FXN: variants seen among roughly 807,000 people sequenced by gnomAD.
FXN encodes the protein frataxin, also known as frataxin, mitochondrial.
FXN carries 14 observed loss-of-function variants against 22.4 expected under a neutral mutation model. That is an observed-to-expected ratio of 0.62 (90% CI 0.41 to 0.98). The LOEUF is 0.98. FXN is among the 50% of genes least tolerant of loss of function. The pLI, the probability that FXN is intolerant of heterozygous loss-of-function variation, is 0.00. For synonymous variants in FXN, 120 were observed against 114.1 expected (o/e 1.05, Z -0.33); for missense variants, 267 against 268.4 (o/e 0.99, Z 0.04).
At chr9:69,056,259 AT>A (rs1831956711) in intron 3 of FXN, among the ~76,000 whole-genome samples, 1 of 152,238 alleles carries the variant, frequency 6.6e-6, no homozygotes. Context: ...GCCTCTGGCC[AT>A]AACTGAAAAA....
intron 4 of FXN, among the ~76,000 whole-genome samples, chr9:69,069,374 G>C (rs1832231400): frequency 1.3e-5 from 2 of 152,090 alleles, no homozygotes; most frequent in African/African-American, 4.8e-5. Flanking sequence ...AAAAAAGGAG[G>C]AGAAGAAGGA....
rs1832403784 is a variant in FXN at position 69,078,105 on chromosome 9, T to C, written c.*5343T>C. 1.0e-6 allele frequency: 1 copy of C among 985,346 alleles called. No homozygotes were observed. Among genetic ancestry groups the C allele is most frequent in the African/African-American group, 1.7e-5 (1 of 57,240 alleles). 61.0% of individuals were successfully genotyped at this position (985,346 alleles called of 1,614,324 possible). ...AAAACCCTAAGAGAAAGAAAAACTT[T>C]AAATCCCTCCAAAGCTCAAAAGTAA... On this transcript the variant is annotated 3_prime_UTR_variant, in exon 5 of 5. Coordinates refer to ENST00000484259, the MANE Select transcript of FXN (RefSeq NM_000144.5).
chr9:69,061,974 GTA>G (rs1176109863), intron 3 of FXN, among the ~76,000 whole-genome samples: 2 of 152,212 alleles, frequency 1.3e-5, no homozygotes, highest in South Asian at 2.1e-4. Flanking sequence ...ATAAAACTCT[GTA>G]TGAGAGGAGT....
chr9:69,055,547 G>A (rs1831943822), intron 3 of FXN, among the ~76,000 whole-genome samples: 1 of 149,340 alleles, frequency 6.7e-6, no homozygotes, highest in South Asian at 2.1e-4. Context: ...AGGCTGGAGT[G>A]CAGTTGTGTG....
chr9:69,037,284 A>AAAAAAAAAAAAAAAAAAAAAAAGAAGAAG (rs544093183), intron 1 of FXN, among the ~76,000 whole-genome samples: 1 of 78,060 alleles, frequency 1.3e-5, no homozygotes, highest in Non-Finnish European at 2.5e-5. Context: ...AAAAAAAAAA[A>AAAAAAAAAAAAAAAAAAAAAAAGAAGAAG]AAGAAGAAGA....
chr9:69,066,484 A>AT (rs1235177738), intron 4 of FXN, among the ~76,000 whole-genome samples: 4 of 152,116 alleles, frequency 2.6e-5, no homozygotes, highest in African/African-American at 9.7e-5. Context: ...TAATTCACAG[A>AT]TTGTATTGGT....
At position 69,078,114 on chromosome 9, in the gene FXN, C is replaced by G; in HGVS notation, c.*5352C>G. The G allele has an allele frequency of 1.0e-6, 1 of 985,398 alleles. No homozygotes were observed. The highest frequency in any genetic ancestry group is 4.7e-5 in the South Asian group (1 of 21,286). The allele number at this position is 985,398 out of a possible 1,614,324, so 61.0% of individuals were successfully genotyped here. A position where few individuals can be genotyped will look rare whatever the true frequency, so the allele number is the denominator to read the frequency against. On this transcript the variant is annotated 3_prime_UTR_variant, in exon 5 of 5. Transcript: ENST00000484259. The stretch of plus-strand genomic sequence containing the variant: ...AGAGAAAGAAAAACTTTAAATCCCT[C>G]CAAAGCTCAAAAGTAATAGAAACAG...
chr9:69,060,460 A>G (rs902358550), intron 3 of FXN, among the ~76,000 whole-genome samples: 4 of 152,042 alleles, frequency 2.6e-5, no homozygotes, highest in African/African-American at 4.8e-5. Context: ...TATTTTGACT[A>G]TTCCCCCTGC....
intron 1 of FXN, among the ~76,000 whole-genome samples, chr9:69,041,747 G>T (rs1564329214): frequency 6.6e-6 from 1 of 152,156 alleles, no homozygotes; most frequent in Non-Finnish European, 1.5e-5. Context: ...TGGGTCAAGT[G>T]GTTCCTGACC....
chr9:69,071,422 G>T (rs556870034), intron 4 of FXN, among the ~76,000 whole-genome samples: 1 of 152,316 alleles, frequency 6.6e-6, no homozygotes, highest in African/African-American at 2.4e-5. Flanking sequence ...TGCTCAGGCA[G>T]ACTCAGGTGC....
At position 69,072,755 on chromosome 9, in the gene FXN, A is replaced by G. The variant is rs74621026; in HGVS notation, c.626A>G (p.Asp209Gly). The stretch of plus-strand genomic sequence containing the variant: ...TCTTCCTTGGCCTATTCCGGAAAAG[A>G]TGCTTGATGCCCAGCCCCGTTTTAA... The part of the protein sequence containing the change: ...DLSSLAYSGK[D>G]A Residue 209 changes from aspartate (D) to glycine (G), a missense_variant, in exon 5 of 5, where the codon GAT becomes GGT. Asp to Gly is a moderately conservative substitution (Grantham distance 94, BLOSUM62 -1). Coordinates refer to ENST00000484259, the MANE Select transcript of FXN (RefSeq NM_000144.5). The G allele has an allele frequency of 5.4e-4, 869 of 1,614,214 alleles. 4 individuals are homozygous for G. The African/African-American group carries it at 9.3e-3, about 17-fold the overall frequency.
At chr9:69,071,882 A>G (rs1179278397) in intron 4 of FXN, among the ~76,000 whole-genome samples, 1 of 152,206 alleles carries the variant, frequency 6.6e-6, no homozygotes, top group African/African-American at 2.4e-5. Flanking sequence ...AACAAAAATG[A>G]TACAAATAAA....
Position 69,076,058 on chromosome 9 carries a change from A to C in FXN, c.*3296A>C. ...CTTGAGTGGGTAGAACCTCAGCCACATAGAAAATAAAATGTTCTGGCATGA... is the reference window on the plus strand; with the variant it reads ...CTTGAGTGGGTAGAACCTCAGCCACCTAGAAAATAAAATGTTCTGGCATGA... On this transcript the variant is annotated 3_prime_UTR_variant, in exon 5 of 5. Transcript: ENST00000484259. 1.0e-6 allele frequency: 1 copy of C among 979,312 alleles called. No individual in the cohort carries two copies. The highest frequency in any genetic ancestry group is 1.1e-4 in the East Asian group (1 of 8,770). The allele number at this position is 979,312 out of a possible 1,614,324, so 60.7% of individuals were successfully genotyped here.
chr9:69,053,782 T>C (rs1004350833), intron 3 of FXN, among the ~76,000 whole-genome samples: 4 of 152,154 alleles, frequency 2.6e-5, no homozygotes, highest in African/African-American at 7.2e-5. Context: ...GCCCAAAAGT[T>C]ATTTAGATTA....
At chr9:69,038,628 C>G (rs903688326) in intron 1 of FXN, among the ~76,000 whole-genome samples, 1 of 151,974 alleles carries the variant, frequency 6.6e-6, no homozygotes, top group Non-Finnish European at 1.5e-5. Flanking sequence ...GAGTTCAAGA[C>G]CAGCCTGGCC....
intron 2 of FXN, among the ~76,000 whole-genome samples, chr9:69,049,308 C>T (rs1478772320): frequency 6.6e-6 from 1 of 152,166 alleles, no homozygotes; most frequent in Non-Finnish European, 1.5e-5. Flanking sequence ...AGCTCAGTCT[C>T]AAAACACACC....
chr9:69,043,844 A>C (rs1373003823), intron 1 of FXN, among the ~76,000 whole-genome samples: 3 of 152,098 alleles, frequency 2.0e-5, no homozygotes, highest in Admixed American at 2.0e-4. Flanking sequence ...TCCGCCTCCC[A>C]AACTGCAGAG....
chr9:69,071,073 T>C (rs1373098031), intron 4 of FXN: 1 of 427,424 alleles, frequency 2.3e-6, no homozygotes, highest in Non-Finnish European at 4.6e-6. Context: ...GGTTGCAGAA[T>C]AAAGGAGAAT....
At chr9:69,065,166 T>C in intron 4 of FXN, 131 bp downstream of exon 4, 1 of 729,166 alleles carries the variant, frequency 1.4e-6, no homozygotes, top group Non-Finnish European at 2.4e-6. Context: ...TTTGAGAGGC[T>C]GAGGTAGGAG....
Sources: gnomAD v4.1 joint callset for allele counts (sites outside exome capture counted in the v4.1 genomes callset) on GRCh38, gnomAD v4.1.1 for gene constraint, MANE v1.5 for transcripts, NCBI Gene and HGNC (gene_info 2026-07-23, HGNC 2026-07-21) for gene names.